Variants in BMP7 observed in about 807,000 individuals in gnomAD.
BMP7 encodes the protein osteogenic protein 1.
BMP7 carries 12 observed loss-of-function variants against 41.2 expected under a neutral mutation model. The observed-to-expected ratio is 0.29, with a 90% CI of 0.19 to 0.47. The LOEUF is 0.47. BMP7 is among the 20% of genes least tolerant of loss of function. BMP7 has a pLI of 0.99. For missense variants in BMP7, 467 were observed against 606.0 expected, an observed-to-expected ratio of 0.77 and a Z score of 2.41; for synonymous variants, 248 against 250.0, an observed-to-expected ratio of 0.99 and a Z score of 0.07.
chr20:57,256,094 C>G (rs953702680), intron 1 of BMP7, among the ~76,000 whole-genome samples: 2 of 152,274 alleles, frequency 1.3e-5, no homozygotes, highest in Admixed American at 6.5e-5. Context: ...GTTGTTGAAC[C>G]AATTGAGTAC....
intron 2 of BMP7, among the ~76,000 whole-genome samples, chr20:57,204,095 C>G (rs748595441): frequency 1.3e-5 from 2 of 152,238 alleles, no homozygotes; most frequent in Non-Finnish European, 2.9e-5. Context: ...ACCAACCAGG[C>G]TACCTGCAAG....
At chr20:57,210,485 A>G (rs1251744191) in intron 2 of BMP7, among the ~76,000 whole-genome samples, 1 of 152,178 alleles carries the variant, frequency 6.6e-6, no homozygotes, top group African/African-American at 2.4e-5. Flanking sequence ...TTAGAGACTG[A>G]TCCTCATGGG....
intron 1 of BMP7, among the ~76,000 whole-genome samples, chr20:57,247,272 A>T (rs1007892351): frequency 2.0e-5 from 3 of 152,334 alleles, no homozygotes; most frequent in African/African-American, 7.2e-5. Context: ...TAGTTCAAAC[A>T]TATGACTAAG....
At chr20:57,250,058 C>G (rs1302295968) in intron 1 of BMP7, among the ~76,000 whole-genome samples, 3 of 152,134 alleles carry the variant, frequency 2.0e-5, no homozygotes, top group South Asian at 2.1e-4. Flanking sequence ...CATTCCTGAC[C>G]CTATTTTCAC....
At chr20:57,201,189 T>TA (rs1568712783) in intron 3 of BMP7, among the ~76,000 whole-genome samples, 1 of 152,196 alleles carries the variant, frequency 6.6e-6, no homozygotes, top group Non-Finnish European at 1.5e-5. Context: ...GCACTATTTT[T>TA]AAAAACTCTT....
chr20:57,182,378 G>A (rs558609488), intron 4 of BMP7, among the ~76,000 whole-genome samples: 4 of 152,306 alleles, frequency 2.6e-5, no homozygotes, highest in African/African-American at 9.6e-5. Flanking sequence ...TGTCAATGTC[G>A]GTTTCCCAAT....
At chr20:57,191,743 ATAATATATAC>A (rs1171113104) in intron 3 of BMP7, among the ~76,000 whole-genome samples, 1 of 142,718 alleles carries the variant, frequency 7.0e-6, no homozygotes, top group Non-Finnish European at 1.5e-5. Context: ...ACATATATAT[ATAATATATAC>A]TATAATATAT....
intron 4 of BMP7, among the ~76,000 whole-genome samples, chr20:57,182,338 G>T (rs1321144358): frequency 6.6e-6 from 1 of 152,150 alleles, no homozygotes; most frequent in East Asian, 1.9e-4. Context: ...CACCTTCTGG[G>T]GATCCCAGCA....
At position 57,188,379 on chromosome 20, in the gene BMP7, A is replaced by G. The variant is rs189912950; in HGVS notation, c.761-4460T>C. 2.9e-3 allele frequency among the ~76,000 whole-genome samples: 448 copies of G among 152,316 alleles called. 2 individuals carry two copies. The highest frequency in any genetic ancestry group is 4.7e-3 in the Non-Finnish European group (321 of 68,030). ...CCACACATTGAATGATCCTATTTCT[A>G]TGAAATGTCCGGAACAGGTAAATCC... On this transcript the variant is annotated intron_variant, in intron 3 of 6. Coordinates refer to ENST00000395863, the MANE Select transcript of BMP7 (RefSeq NM_001719.3).
intron 3 of BMP7, among the ~76,000 whole-genome samples, chr20:57,193,791 C>T (rs1355809633): frequency 6.6e-6 from 1 of 152,226 alleles, no homozygotes; most frequent in Non-Finnish European, 1.5e-5. Flanking sequence ...GAGTCCTTTA[C>T]ATTGCCAAAA....
At chr20:57,226,824 C>CTTT (rs36113686) in intron 2 of BMP7, among the ~76,000 whole-genome samples, 58 of 123,154 alleles carry the variant, frequency 4.7e-4, no homozygotes, top group African/African-American at 9.3e-4. Context: ...TACTCAAAAA[C>CTTT]TTTTTTTTTT....
chr20:57,173,446 C>G (rs1250430638), intron 5 of BMP7, 136 bp from the exon 6 acceptor site: 1 of 832,826 alleles, frequency 1.2e-6, no homozygotes. Context: ...TTCTGAGCAG[C>G]AGGGGGCCCA....
intron 3 of BMP7, among the ~76,000 whole-genome samples, chr20:57,190,178 T>C (rs562056327): frequency 7.5e-6 from 1 of 134,218 alleles, no homozygotes; most frequent in Non-Finnish European, 1.6e-5. Flanking sequence ...GAGCCAGGAA[T>C]CAGAGGAGGT....
At chr20:57,225,230 C>T (rs1356999358) in intron 2 of BMP7, among the ~76,000 whole-genome samples, 1 of 152,168 alleles carries the variant, frequency 6.6e-6, no homozygotes, top group African/African-American at 2.4e-5. Flanking sequence ...AACAGGCGAG[C>T]TGGAGGAAGC....
intron 4 of BMP7, among the ~76,000 whole-genome samples, chr20:57,181,670 C>A (rs1371153095): frequency 1.3e-5 from 2 of 152,194 alleles, no homozygotes; most frequent in African/African-American, 4.8e-5. Flanking sequence ...GTAAATGCAA[C>A]TGGGGGCTCT....
chr20:57,173,106 T>C, intron 6 of BMP7, 94 bp downstream of exon 6: 1 of 1,320,996 alleles, frequency 7.6e-7, no homozygotes, highest in East Asian at 2.4e-5. Flanking sequence ...TGGGCTGACA[T>C]CTACTCAGGC....
At position 57,248,948 on chromosome 20, in the gene BMP7, A is replaced by G. The variant is rs561479964; in HGVS notation, c.418+16757T>C. Among the ~76,000 whole-genome samples the G allele has an allele frequency of 2.6e-3, 392 of 151,888 alleles. 7 individuals are homozygous for G. The highest frequency in any genetic ancestry group is 1.9e-3 in the Non-Finnish European group (127 of 67,940). On this transcript the variant is annotated intron_variant, in intron 1 of 6. Transcript: ENST00000395863. ...TGAGTAGCTGGGACTACAGGTGCCC[A>G]CCACCACGCCCAGCTAATTTTTTTT...
intron 2 of BMP7, among the ~76,000 whole-genome samples, chr20:57,222,591 T>G (rs1412280404): frequency 6.6e-6 from 1 of 151,958 alleles, no homozygotes; most frequent in Non-Finnish European, 1.5e-5. Context: ...CGAGGAAAAA[T>G]GCCAAGGCTC....
chr20:57,183,888 C>T lies in BMP7; in HGVS notation c.792G>A (p.Leu264=). ...TGTTCTGGGGCCCGTGCCGCCCAATCAGGCCCGCCAACTTGGGGTTGATGC... is the reference window on the plus strand; with the variant it reads ...TGTTCTGGGGCCCGTGCCGCCCAATTAGGCCCGCCAACTTGGGGTTGATGC... ...GQSINPKLAG[L]IGRHGPQNKQ... is the part of the protein sequence containing the mutation. Residue 264 remains leucine (L), a synonymous_variant, in exon 4 of 7, where the codon CTG becomes CTA. Transcript: ENST00000395863. 1 of 1,614,098 alleles carries T rather than the reference C, an allele frequency of 6.2e-7. No homozygotes were observed. Among genetic ancestry groups the T allele is most frequent in the Non-Finnish European group, 8.5e-7 (1 of 1,180,046 alleles).
Sources: allele counts gnomAD v4.1 joint callset (sites outside exome capture counted in the v4.1 genomes callset), GRCh38; gene constraint gnomAD v4.1.1; transcripts MANE v1.5; gene names NCBI Gene and HGNC (gene_info 2026-07-23, HGNC 2026-07-21).